KIF4A: variants seen among roughly 807,000 people sequenced by gnomAD.
KIF4A encodes the protein chromosome-associated kinesin KIF4A.
Under a neutral mutation model 105.9 loss-of-function variants are expected in KIF4A, and 7 were observed. That is an observed-to-expected ratio of 0.07 (90% CI 0.04 to 0.12). The LOEUF is 0.12. KIF4A is among the 10% of genes least tolerant of loss of function. The pLI is 1.00. For synonymous variants in KIF4A, 281 were observed against 331.3 expected, an observed-to-expected ratio of 0.85 and a Z score of 1.65; for missense variants, 558 against 929.2, an observed-to-expected ratio of 0.60 and a Z score of 5.19.
intron 15 of KIF4A, among the ~76,000 whole-genome samples, chrX:70,373,520 G>GTATATATA (rs1405085439): frequency 1.7e-4 from 1 of 5,882 alleles, no homozygotes; most frequent in African/African-American, 1.3e-3. Flanking sequence ...ACATGTGTGT[G>GTATATATA]TATGTATATA....
chrX:70,309,073 T>C (rs1296445002), intron 7 of KIF4A, among the ~76,000 whole-genome samples: 1 of 112,475 alleles, frequency 8.9e-6, no homozygotes, highest in Admixed American at 9.4e-5. Flanking sequence ...GATAGCCTTG[T>C]ACATGATAAA....
At chrX:70,350,230 A>T (rs751190050) in intron 13 of KIF4A, among the ~76,000 whole-genome samples, 2 of 111,393 alleles carry the variant, frequency 1.8e-5, no homozygotes, top group South Asian at 7.7e-4. Context: ...TCCGTCTGCA[A>T]TCCCAGCACC....
intron 28 of KIF4A, among the ~76,000 whole-genome samples, chrX:70,414,405 A>T (rs369138576): frequency 1.8e-5 from 2 of 111,981 alleles, no homozygotes; most frequent in South Asian, 3.8e-4. Context: ...AAAAAAAGCA[A>T]CTGATTTTAG....
chrX:70,378,982 C>T (rs190539985), intron 18 of KIF4A, among the ~76,000 whole-genome samples: 91 of 108,189 alleles, frequency 8.4e-4, no homozygotes, highest in Non-Finnish European at 1.5e-3. Context: ...CGGTGAAACC[C>T]CATCTCTACT....
chrX:70,322,221 T>C (rs1208272946), intron 7 of KIF4A, among the ~76,000 whole-genome samples: 1 of 109,828 alleles, frequency 9.1e-6, no homozygotes, highest in Non-Finnish European at 1.9e-5. Context: ...CTGTGGGGAG[T>C]CTTATGGATG....
intron 20 of KIF4A, among the ~76,000 whole-genome samples, chrX:70,388,919 T>A (rs2086227665): frequency 1.8e-5 from 2 of 112,195 alleles, no homozygotes; most frequent in African/African-American, 3.2e-5. Flanking sequence ...TTTATTGATA[T>A]TTTTTTCTTT....
intron 25 of KIF4A, among the ~76,000 whole-genome samples, chrX:70,405,419 A>G (rs1490690710): frequency 2.7e-5 from 3 of 111,884 alleles, no homozygotes; most frequent in Non-Finnish European, 5.6e-5. Flanking sequence ...GGTCAGGCTT[A>G]CTAAAGTAGC....
Position 70,377,540 on chromosome X carries a change from C to T in KIF4A, c.2034+1330C>T, listed in dbSNP as rs1007187828. 3.0e-4 allele frequency among the ~76,000 whole-genome samples: 34 copies of T among 112,489 alleles called. 1 individual carries two copies. Among genetic ancestry groups the T allele is most frequent in the African/African-American group, 1.1e-3 (33 of 31,029 alleles). ...TATACCTAACAGAATCTATAGACTACGCCAACCAACAACAGCAGGATATAC... is the reference window on the plus strand; with the variant it reads ...TATACCTAACAGAATCTATAGACTATGCCAACCAACAACAGCAGGATATAC... On this transcript the variant is annotated intron_variant, in intron 18 of 30. Coordinates refer to ENST00000374403, the MANE Select transcript of KIF4A (RefSeq NM_012310.5).
At position 70,329,711 on chromosome X, in the gene KIF4A, T is replaced by C. The variant is rs150316941; in HGVS notation, c.895+190T>C. 3.6e-3 allele frequency among the ~76,000 whole-genome samples: 406 copies of C among 112,252 alleles called. 3 individuals are homozygous for C. Among genetic ancestry groups the C allele is most frequent in the African/African-American group, 0.012 (384 of 30,960 alleles). On this transcript the variant is annotated intron_variant, in intron 8 of 30. Transcript: ENST00000374403. ...TGGAAAAATATCTTCATATATGACA[T>C]TGAGAGCCAAGAAATCTGTAGTGCA...
At chrX:70,361,183 G>T (rs973897945) in intron 15 of KIF4A, among the ~76,000 whole-genome samples, 3 of 113,370 alleles carry the variant, frequency 2.6e-5, no homozygotes, top group Non-Finnish European at 5.6e-5. Flanking sequence ...GCTGTGTCTG[G>T]TCACTAACCT....
intron 22 of KIF4A, among the ~76,000 whole-genome samples, chrX:70,397,502 GTGTTCCCTGTGCCGTGGTCACTCATA>G (rs2086264735): frequency 8.9e-6 from 1 of 112,333 alleles, no homozygotes; most frequent in African/African-American, 3.2e-5. Flanking sequence ...TCTTGAGACT[GTGTTCCCTGTGCCGTGGTCACTCATA>G]TTGGCTCTAA....
intron 7 of KIF4A, among the ~76,000 whole-genome samples, chrX:70,326,567 C>T (rs188270596): frequency 1.3e-4 from 15 of 112,421 alleles, no homozygotes. Context: ...GTTAAAATCT[C>T]TCCTTTATTA....
chrX:70,352,235 G>C (rs757315493), intron 13 of KIF4A, among the ~76,000 whole-genome samples: 1 of 112,161 alleles, frequency 8.9e-6, no homozygotes, highest in Non-Finnish European at 1.9e-5. Flanking sequence ...TATACTAAGC[G>C]GTAGATGCAT....
intron 10 of KIF4A, 43 bp from the exon 11 acceptor site, chrX:70,341,756 A>G (rs2147697983): frequency 8.6e-7 from 1 of 1,168,217 alleles, no homozygotes; most frequent in Admixed American, 2.2e-5. Context: ...TATAGGTATT[A>G]TCAATCAGAT....
chrX:70,302,383 G>A lies in KIF4A; in HGVS notation c.763G>A (p.Asp255Asn), dbSNP rs2085807720. The change falls in exon 7 of 31, where the codon GAT (aspartate) becomes AAT (asparagine). Residue 255 changes from aspartate (D) to asparagine (N), a missense_variant. Physicochemically the swap from Asp to Asn is conservative, Grantham distance 23 (BLOSUM62 1). Coordinates refer to ENST00000374403, the MANE Select transcript of KIF4A (RefSeq NM_012310.5). ...ERQKKTKAEG[D>N]RLKEGININR... ...ACAGAAGAAAACCAAGGCTGAAGGG[G>A]ATCGTCTAAAAGAGGGTAAGAGAGT... 1 of 1,211,443 alleles carries A rather than the reference G, an allele frequency of 8.3e-7. No homozygotes were observed. The highest frequency in any genetic ancestry group is 3.0e-5 in the East Asian group (1 of 33,846).
At chrX:70,406,232 T>C (rs1421115735) in intron 26 of KIF4A, 27 bp from the exon 27 acceptor site, 2 of 1,155,280 alleles carry the variant, frequency 1.7e-6, no homozygotes, top group Non-Finnish European at 2.4e-6. Context: ...CCCTGCATTA[T>C]ATACTTTGTC....
At chrX:70,309,565 G>C (rs2085840568) in intron 7 of KIF4A, among the ~76,000 whole-genome samples, 1 of 111,136 alleles carries the variant, frequency 9.0e-6, no homozygotes, top group Admixed American at 9.6e-5. Context: ...AGGAGCAATA[G>C]CTTTTTTTCT....
At chrX:70,367,390 A>G (rs1939921239) in intron 15 of KIF4A, among the ~76,000 whole-genome samples, 1 of 111,615 alleles carries the variant, frequency 9.0e-6, no homozygotes. Context: ...GGCTGGTCCC[A>G]GTTGTTCCTT....
chrX:70,407,119 G>A, intron 28 of KIF4A, 44 bp downstream of exon 28: 1 of 1,147,925 alleles, frequency 8.7e-7, no homozygotes. Flanking sequence ...TGTTGTTGTT[G>A]TTTTTGGAGA....
Sources: gnomAD v4.1 joint callset for allele counts (sites outside exome capture counted in the v4.1 genomes callset) on GRCh38, gnomAD v4.1.1 for gene constraint, MANE v1.5 for transcripts, NCBI Gene and HGNC (gene_info 2026-07-23, HGNC 2026-07-21) for gene names.